The following ITGB8 variants were observed in gnomAD, a reference collection of about 807,000 sequenced individuals.
ITGB8 encodes integrin beta-8.
In ITGB8, 30 loss-of-function variants were observed where a neutral mutation model predicts 89.5. The observed-to-expected ratio is 0.34, with a 90% CI of 0.25 to 0.45. ITGB8 has a LOEUF of 0.45. ITGB8 is among the 20% of genes least tolerant of loss of function. ITGB8 has a pLI of 1.00. For missense variants in ITGB8, 836 were observed against 933.3 expected (o/e 0.90, Z 1.36); for synonymous variants, 335 against 320.4 (o/e 1.05, Z -0.49).
chr7:20,332,089 G>A, intron 1 of ITGB8, 156 bp downstream of exon 1: 2 of 1,399,314 alleles, frequency 1.4e-6, no homozygotes, highest in African/African-American at 2.9e-5. Flanking sequence ...AGCACAGATG[G>A]CCTAGAGGCC....
At chr7:20,351,454 A>T (rs1047507968) in intron 1 of ITGB8, among the ~76,000 whole-genome samples, 8 of 152,226 alleles carry the variant, frequency 5.3e-5, no homozygotes, top group African/African-American at 1.7e-4. Flanking sequence ...TGGGAGCTTT[A>T]TGAAGCTTCA....
chr7:20,344,030 C>G (rs1784845383), intron 1 of ITGB8, among the ~76,000 whole-genome samples: 1 of 152,104 alleles, frequency 6.6e-6, no homozygotes, highest in Non-Finnish European at 1.5e-5. Flanking sequence ...GCTTGAGCAC[C>G]TGCTCAGTGC....
At position 20,413,074 on chromosome 7, in the gene ITGB8, T is replaced by C. The variant is rs535525427; in HGVS notation, c.*3077T>C. 1.8e-4 allele frequency: 28 copies of C among 152,318 alleles called. No homozygotes were observed. Among genetic ancestry groups the C allele is most frequent in the African/African-American group, 5.5e-4 (23 of 41,592 alleles). 9.4% of individuals were successfully genotyped at this position (152,318 alleles called of 1,614,324 possible). ...TTTGCTTTGTTATGCATTTTATTTC[T>C]CTGGGGACACCATTGCACTGCAGTG... On this transcript the variant is annotated 3_prime_UTR_variant, in exon 14 of 14. Transcript: ENST00000222573.
rs1012429237 is a variant in ITGB8 at position 20,379,054 on chromosome 7, C to T, written c.392C>T (p.Ala131Val). The T allele has an allele frequency of 6.3e-7, 1 of 1,583,646 alleles. No homozygotes were observed. The change falls in exon 4 of 14, where the codon GCC becomes GTC. Residue 131 changes from alanine to valine, a missense_variant. Ala to Val is a moderately conservative substitution (Grantham distance 64). Around this residue, in one of 5 missense-constraint regions of ITGB8, gnomAD observed 182 missense variants for 177.0 expected, o/e 1.03. Transcript: ENST00000222573. ...TGTTTTTCTTCTATTGAACTAGGAGCCGAAGCTAATTTTATGCTGAAAGTT... is the reference window on the plus strand; with the variant it reads ...TGTTTTTCTTCTATTGAACTAGGAGTCGAAGCTAATTTTATGCTGAAAGTT... ...GEVSIQLRPG[A>V]EANFMLKVHP...
At chr7:20,399,119 T>C in intron 9 of ITGB8, 125 bp downstream of exon 9, 1 of 983,962 alleles carries the variant, frequency 1.0e-6, no homozygotes, top group Non-Finnish European at 1.5e-6. Flanking sequence ...TATTTATACT[T>C]CAAGGAAACT....
intron 12 of ITGB8, among the ~76,000 whole-genome samples, chr7:20,406,795 A>C (rs926437213): frequency 2.6e-5 from 4 of 152,202 alleles, no homozygotes; most frequent in Non-Finnish European, 5.9e-5. Flanking sequence ...AGTAATGTTA[A>C]GATACATGTC....
chr7:20,413,502 A>T lies in ITGB8; in HGVS notation c.*3505A>T, dbSNP rs1052810300. On this transcript the variant is annotated 3_prime_UTR_variant, in exon 14 of 14. Transcript: ENST00000222573. ...TTCCTGGAACCTGGTAGAGTAGATT[A>T]GACTCAAAGGCTTTTTCTTCCTTTT... 1 of 152,554 alleles carries T rather than the reference A, an allele frequency of 6.6e-6. No individual in the cohort carries two copies. The highest frequency in any genetic ancestry group is 2.1e-4 in the South Asian group (1 of 4,832). 9.5% of individuals were successfully genotyped at this position (152,554 alleles called of 1,614,324 possible).
intron 2 of ITGB8, among the ~76,000 whole-genome samples, chr7:20,364,271 TG>T (rs1785611390): frequency 6.6e-6 from 1 of 152,162 alleles, no homozygotes; most frequent in Non-Finnish European, 1.5e-5. Flanking sequence ...TCTGCTAATC[TG>T]GGGTTTCTTC....
chr7:20,404,331 T>C (rs1583543811), intron 10 of ITGB8, among the ~76,000 whole-genome samples: 1 of 152,230 alleles, frequency 6.6e-6, no homozygotes. Flanking sequence ...GTTTTTAATG[T>C]AAAACGGAAT....
chr7:20,332,867 G>A (rs983899033), intron 1 of ITGB8, among the ~76,000 whole-genome samples: 6 of 151,576 alleles, frequency 4.0e-5, no homozygotes. Flanking sequence ...GTTCTTAATG[G>A]TTTTCAATAT....
intron 13 of ITGB8, 36 bp downstream of exon 13, chr7:20,409,814 G>C: frequency 6.2e-7 from 1 of 1,609,650 alleles, no homozygotes; most frequent in Non-Finnish European, 8.5e-7. Context: ...CTAACAGTAT[G>C]TTATTGCCTA....
Position 20,332,318 on chromosome 7 carries a change from G to T in ITGB8, c.127+385G>T, listed in dbSNP as rs140442243. ...CTTTCTAACATTTGGGTCCACTAAG[G>T]ACTAACTTGCCTTTAACTCGAGGCT... On this transcript the variant is annotated intron_variant, in intron 1 of 13. Coordinates refer to ENST00000222573, the MANE Select transcript of ITGB8 (RefSeq NM_002214.3). Among the ~76,000 whole-genome samples the T allele has an allele frequency of 1.2e-4, 19 of 152,248 alleles. No homozygotes were observed. The East Asian group carries it at 2.7e-3, about 22-fold the overall frequency.
At chr7:20,338,190 G>A (rs531582670) in intron 1 of ITGB8, among the ~76,000 whole-genome samples, 25 of 152,262 alleles carry the variant, frequency 1.6e-4, no homozygotes, top group African/African-American at 6.0e-4. Flanking sequence ...TATTTATCAA[G>A]GAAGGAAGAT....
chr7:20,353,848 C>A (rs1435824485), intron 1 of ITGB8, among the ~76,000 whole-genome samples: 1 of 131,874 alleles, frequency 7.6e-6, no homozygotes, highest in Admixed American at 8.9e-5. Flanking sequence ...AGGAGAATGG[C>A]GTGAACCCGG....
At chr7:20,334,498 A>G (rs745899334) in intron 1 of ITGB8, among the ~76,000 whole-genome samples, 8 of 152,136 alleles carry the variant, frequency 5.3e-5, no homozygotes, top group Non-Finnish European at 1.2e-4. Context: ...TTGCAATGAA[A>G]TTTCACCTTC....
At chr7:20,392,293 T>G (rs1227334982) in intron 7 of ITGB8, among the ~76,000 whole-genome samples, 1 of 152,204 alleles carries the variant, frequency 6.6e-6, no homozygotes, top group African/African-American at 2.4e-5. Context: ...TTCTCCCATC[T>G]GCTCCCTAAT....
Position 20,410,528 on chromosome 7 carries a change from C to G in ITGB8, c.*531C>G, listed in dbSNP as rs1018658376. On this transcript the variant is annotated 3_prime_UTR_variant, in exon 14 of 14. Transcript: ENST00000222573. The stretch of plus-strand genomic sequence containing the variant: ...GTGTTTCACTCTTTCAAGAGGTGAA[C>G]AGATACAACCTTAATCTTAAAAGAT... 3 of 152,648 alleles carry G rather than the reference C, an allele frequency of 2.0e-5. No individual in the cohort carries two copies. Among genetic ancestry groups the G allele is most frequent in the Non-Finnish European group, 4.4e-5 (3 of 68,392 alleles). 9.5% of individuals were successfully genotyped at this position (152,648 alleles called of 1,614,324 possible). A position where few individuals can be genotyped will look rare whatever the true frequency, so the allele number is the denominator to read the frequency against.
intron 4 of ITGB8, chr7:20,380,196 G>C (rs572820767): frequency 6.3e-6 from 1 of 157,488 alleles, no homozygotes; most frequent in East Asian, 1.9e-4. Context: ...TAATTTTAAT[G>C]AATATTGATT....
chr7:20,331,240 G>T lies in ITGB8; in HGVS notation c.-567G>T, dbSNP rs1277142852. On this transcript the variant is annotated 5_prime_UTR_variant, in exon 1 of 14. An upstream start codon of the reference 5' UTR is lost. Coordinates refer to ENST00000222573, the MANE Select transcript of ITGB8 (RefSeq NM_002214.3). ...ACGGGGCTGCAAAGCTGCAACTAAT[G>T]GTGTTGGCCTCCCTGCCCACCTGTG... 1 of 260,416 alleles carries T rather than the reference G, an allele frequency of 3.8e-6. No homozygotes were observed. Among genetic ancestry groups the T allele is most frequent in the East Asian group, 6.9e-5 (1 of 14,396 alleles). The allele number at this position is 260,416 out of a possible 1,614,324, so 16.1% of individuals were successfully genotyped here.
Sources: allele counts gnomAD v4.1 joint callset (sites outside exome capture counted in the v4.1 genomes callset), GRCh38; gene constraint gnomAD v4.1.1; regional missense constraint gnomAD v4.1.1; transcripts MANE v1.5; gene names NCBI Gene and HGNC (gene_info 2026-07-23, HGNC 2026-07-21).